Variants in ADGRG3 observed in about 807,000 individuals in gnomAD.
ADGRG3 encodes G protein-coupled receptor 97.
ADGRG3 carries 39 observed loss-of-function variants against 54.3 expected under a neutral mutation model. The observed-to-expected ratio is 0.72, with a 90% CI of 0.56 to 0.94. ADGRG3 has a LOEUF of 0.94. Among genes scored for constraint, ADGRG3 ranks in the 40% least tolerant of loss-of-function variants. The pLI is 0.00. For missense variants in ADGRG3, 654 were observed against 694.6 expected (o/e 0.94, Z 0.66); for synonymous variants, 312 against 290.0 (o/e 1.08, Z -0.77).
chr16:57,686,330 G>A (rs1392271388), intron 11 of ADGRG3, among the ~76,000 whole-genome samples: 2 of 152,088 alleles, frequency 1.3e-5, no homozygotes, highest in Admixed American at 6.5e-5. Context: ...GCACCATGCC[G>A]TTTTAAACAG....
chr16:57,682,383 T>C (rs1488898596), intron 8 of ADGRG3: 2 of 603,506 alleles, frequency 3.3e-6, no homozygotes, highest in East Asian at 2.9e-4. Flanking sequence ...CGTGCCTCTG[T>C]GTCAGCATTT....
chr16:57,673,611 C>T (rs1386618687), intron 2 of ADGRG3, 143 bp downstream of exon 2: 10 of 731,226 alleles, frequency 1.4e-5, no homozygotes, highest in Non-Finnish European at 2.0e-5. Flanking sequence ...ACCACAGTCC[C>T]CCTGACCCAA....
At chr16:57,668,176 A>C (rs561953050), upstream of ADGRG3, 12 of 613,870 alleles carry the variant, frequency 2.0e-5, no homozygotes, top group African/African-American at 1.3e-4. Context: ...AGTTCCCCAC[A>C]CTCACCTTTC....
intron 2 of ADGRG3, 83 bp downstream of exon 2, chr16:57,673,551 C>G: frequency 7.6e-7 from 1 of 1,308,040 alleles, no homozygotes; most frequent in Non-Finnish European, 1.1e-6. Flanking sequence ...CATCTTCCCC[C>G]ATGGCCCCAG....
At chr16:57,667,904 T>A (rs1464203418), upstream of ADGRG3, among the ~76,000 whole-genome samples, 2 of 152,216 alleles carry the variant, frequency 1.3e-5, no homozygotes, top group African/African-American at 4.8e-5. Flanking sequence ...CCCATTGCCA[T>A]CTTCACTTTA....
At chr16:57,676,359 C>T (rs372511208) in intron 3 of ADGRG3, 21 bp downstream of exon 3, 2 of 1,610,350 alleles carry the variant, frequency 1.2e-6, no homozygotes, top group African/African-American at 2.7e-5. Context: ...CCCCAGCCCT[C>T]TTGGCTGGTT....
chr16:57,685,340 A>G (rs1206804473), intron 10 of ADGRG3, among the ~76,000 whole-genome samples: 2 of 152,206 alleles, frequency 1.3e-5, no homozygotes, highest in Non-Finnish European at 2.9e-5. Flanking sequence ...GTATGATTTT[A>G]TAGGAGAAGC....
intron 11 of ADGRG3, chr16:57,686,926 TTA>T (rs1426620979): frequency 6.6e-6 from 1 of 152,248 alleles, no homozygotes; most frequent in African/African-American, 2.4e-5. Context: ...GTGCTATGGT[TTA>T]TATGTGTTCT....
chr16:57,680,733 A>G, intron 8 of ADGRG3, 116 bp downstream of exon 8: 1 of 700,608 alleles, frequency 1.4e-6, no homozygotes, highest in South Asian at 1.6e-5. Flanking sequence ...TCCACACGTT[A>G]GTGTCCTCAT....
chr16:57,673,455 G>A lies in ADGRG3; in HGVS notation c.193G>A (p.Glu65Lys), dbSNP rs1309209330. 1 of 1,604,982 alleles carries A rather than the reference G, an allele frequency of 6.2e-7. No individual in the cohort carries two copies. Among genetic ancestry groups the A allele is most frequent in the East Asian group, 2.2e-5 (1 of 44,622 alleles). Reference sequence around the variant, plus strand: ...GTCGGGCAGCGACTCCTGCAATGTGGAAAACTTGCAGAGGTGAGGGGGCCC... The same window carrying A: ...GTCGGGCAGCGACTCCTGCAATGTGAAAAACTTGCAGAGGTGAGGGGGCCC... ...RQSGSDSCNV[E>K]NLQRYWLNYE... Residue 65 changes from glutamate (E) to lysine (K), a missense_variant, in exon 2 of 12, where the codon GAA becomes AAA. Coordinates refer to ENST00000333493, the MANE Select transcript of ADGRG3 (RefSeq NM_170776.5).
intron 2 of ADGRG3, 151 bp downstream of exon 2, chr16:57,673,619 C>A: frequency 2.9e-6 from 2 of 684,202 alleles, no homozygotes; most frequent in Non-Finnish European, 4.9e-6. Context: ...CCCCCTGACC[C>A]AACATCCCCA....
In ADGRG3 at chr16:57,678,214, A is replaced by G. The variant is rs770816372; in HGVS notation, c.390A>G (p.Arg130=). 6.2e-7 allele frequency: 1 copy of G among 1,614,180 alleles called. No homozygotes were observed. Among genetic ancestry groups the G allele is most frequent in the Non-Finnish European group, 8.5e-7 (1 of 1,180,010 alleles). Residue 130 remains arginine (R), a synonymous_variant, in exon 4 of 12, where the codon AGA becomes AGG. Transcript: ENST00000333493. ...AGGACGAGGACAAGCCCCCTGACAGAGTGCGACTTCCCAAGAGCCTTTTTC... is the reference window on the plus strand; with the variant it reads ...AGGACGAGGACAAGCCCCCTGACAGGGTGCGACTTCCCAAGAGCCTTTTTC... The part of the protein sequence containing the change: ...VMKDEDKPPD[R]VRLPKSLFRS...
chr16:57,685,406 G>T (rs77372795), intron 10 of ADGRG3, among the ~76,000 whole-genome samples: 1 of 152,112 alleles, frequency 6.6e-6, no homozygotes, highest in African/African-American at 2.4e-5. Context: ...CACTAATTCC[G>T]TTTTTTTCAC....
chr16:57,673,761 A>G (rs1373247112), intron 2 of ADGRG3, among the ~76,000 whole-genome samples: 8 of 152,182 alleles, frequency 5.3e-5, no homozygotes, highest in Non-Finnish European at 1.0e-4. Flanking sequence ...ACAGAATGGC[A>G]GACAAGGTGC....
Position 57,685,875 on chromosome 16 carries a change from C to A in ADGRG3, c.1489C>A (p.Pro497Thr), listed in dbSNP as rs2048464033. The change falls in exon 11 of 12, where the codon CCG (proline) becomes ACG (threonine). Residue 497 changes from proline to threonine, a missense_variant. Pro to Thr is a conservative substitution (Grantham distance 38). Transcript: ENST00000333493. ...GACATGGGGGTTGGCCATCTTCACC[C>A]CGTTGGGCCTCTCCACCGTCTACAT... ...GVTWGLAIFTPLGLSTVYIFA... is the reference protein window; with the variant it reads ...GVTWGLAIFTTLGLSTVYIFA... The A allele has an allele frequency of 1.2e-6, 2 of 1,614,086 alleles. No homozygotes were observed. The highest frequency in any genetic ancestry group is 2.7e-5 in the African/African-American group (2 of 75,000).
chr16:57,680,544 C>A lies in ADGRG3; in HGVS notation c.808C>A (p.Arg270Ser), dbSNP rs764461732. 1 of 1,613,864 alleles carries A rather than the reference C, an allele frequency of 6.2e-7. No homozygotes were observed. The highest frequency in any genetic ancestry group is 1.3e-5 in the African/African-American group (1 of 74,884). The change falls in exon 8 of 12, where the codon CGC becomes AGC. Residue 270 changes from arginine to serine, a missense_variant. Physicochemically the swap from Arg to Ser is moderately radical, Grantham distance 110. Coordinates refer to ENST00000333493, the MANE Select transcript of ADGRG3 (RefSeq NM_170776.5). ...LDQSTVHILT[R>S]ISQAGCGVSM... is the part of the protein sequence containing the mutation. ...CCAGTCCACGGTGCATATCCTCACA[C>A]GCATCTCCCAGGCGGGCTGTGGGGT...
intron 11 of ADGRG3, 66 bp from the exon 12 acceptor site, chr16:57,688,286 A>C (rs754631403): frequency 7.9e-6 from 8 of 1,019,082 alleles, no homozygotes; most frequent in Non-Finnish European, 1.3e-5. Context: ...AGCAGCCACC[A>C]GCCCAGGCTG....
chr16:57,686,899 G>C (rs1223910381), intron 11 of ADGRG3: 2 of 152,142 alleles, frequency 1.3e-5, no homozygotes, highest in Non-Finnish European at 2.9e-5. Flanking sequence ...CCCAGCAAAG[G>C]GGTAAGAGCA....
At chr16:57,682,753 T>A (rs1424241454) in intron 8 of ADGRG3, 1 of 523,844 alleles carries the variant, frequency 1.9e-6, no homozygotes, top group Non-Finnish European at 2.5e-6. Flanking sequence ...GAGGTGAGCC[T>A]GGTGAGTCAC....
Sources: gnomAD v4.1 joint callset for allele counts (sites outside exome capture counted in the v4.1 genomes callset) on GRCh38, gnomAD v4.1.1 for gene constraint, MANE v1.5 for transcripts, NCBI Gene and HGNC (gene_info 2026-07-23, HGNC 2026-07-21) for gene names.